The following EEFSEC variants were observed in gnomAD, a reference collection of about 807,000 sequenced individuals.
EEFSEC encodes the protein selenocysteine-specific elongation factor.
EEFSEC carries 43 observed loss-of-function variants against 42.1 expected under a neutral mutation model. That is an observed-to-expected ratio of 1.02 (90% confidence interval 0.80 to 1.32). The LOEUF is 1.32. Ranked by LOEUF, EEFSEC falls within the 40% of genes most tolerant of loss-of-function variation. The pLI is 0.00. For synonymous variants in EEFSEC, 354 were observed against 339.1 expected, an observed-to-expected ratio of 1.04 and a Z score of -0.48; for missense variants, 745 against 803.6, an observed-to-expected ratio of 0.93 and a Z score of 0.88.
intron 1 of EEFSEC, among the ~76,000 whole-genome samples, chr3:128,238,194 T>C (rs548891868): frequency 1.3e-5 from 2 of 152,222 alleles, no homozygotes; most frequent in South Asian, 4.1e-4. Flanking sequence ...GTAGTACAAA[T>C]GCTGGGGTGT....
At chr3:128,337,523 C>T (rs1056099785) in intron 4 of EEFSEC, among the ~76,000 whole-genome samples, 39 of 152,288 alleles carry the variant, frequency 2.6e-4, no homozygotes, top group Admixed American at 2.0e-3. Flanking sequence ...ACAAGGATCT[C>T]GCTCAAGCCC....
chr3:128,182,631 A>G (rs995392546), intron 1 of EEFSEC, among the ~76,000 whole-genome samples: 4 of 152,138 alleles, frequency 2.6e-5, no homozygotes, highest in Non-Finnish European at 5.9e-5. Flanking sequence ...TATCTCGAAC[A>G]GTAGTGTCTG....
At chr3:128,339,738 A>T (rs2067229356) in intron 4 of EEFSEC, among the ~76,000 whole-genome samples, 1 of 152,174 alleles carries the variant, frequency 6.6e-6, no homozygotes, top group Non-Finnish European at 1.5e-5. Context: ...CACGCTGCTG[A>T]TAAAGACATA....
intron 2 of EEFSEC, among the ~76,000 whole-genome samples, chr3:128,253,854 C>T (rs2066214156): frequency 1.3e-5 from 2 of 152,162 alleles, no homozygotes; most frequent in African/African-American, 4.8e-5. Context: ...CCTTACTGAA[C>T]TGAAATCATC....
At chr3:128,372,493 C>T (rs181967653) in intron 6 of EEFSEC, among the ~76,000 whole-genome samples, 13 of 152,312 alleles carry the variant, frequency 8.5e-5, no homozygotes, top group Admixed American at 2.6e-4. Context: ...TGTTCAGAGA[C>T]GCTTGGTCAT....
intron 4 of EEFSEC, among the ~76,000 whole-genome samples, chr3:128,306,653 C>T (rs2066830286): frequency 6.6e-6 from 1 of 152,106 alleles, no homozygotes; most frequent in Non-Finnish European, 1.5e-5. Context: ...CCTCAGTTTC[C>T]CCATCTGTAA....
At chr3:128,206,324 C>G (rs1346112968) in intron 1 of EEFSEC, among the ~76,000 whole-genome samples, 3 of 152,216 alleles carry the variant, frequency 2.0e-5, no homozygotes, top group African/African-American at 4.8e-5. Context: ...TTGTGCTTGG[C>G]TTGCTTGGAG....
At chr3:128,423,265 ATATC>A in the EEFSEC span, among the ~76,000 whole-genome samples, 26 of 152,328 alleles carry the variant, frequency 1.7e-4, no homozygotes, top group Middle Eastern at 3.4e-3. Context: ...GATACACAAA[ATATC>A]TATCTACCCA....
intron 4 of EEFSEC, among the ~76,000 whole-genome samples, chr3:128,284,456 G>C (rs372661062): frequency 2.0e-5 from 3 of 152,164 alleles, no homozygotes; most frequent in African/African-American, 7.2e-5. Flanking sequence ...TGGGGGTTGG[G>C]GGTGGGGGAT....
chr3:128,411,753 C>T (rs1323497170), downstream of EEFSEC, among the ~76,000 whole-genome samples: 1 of 152,232 alleles, frequency 6.6e-6, no homozygotes, highest in African/African-American at 2.4e-5. Context: ...TGGAAACAGG[C>T]TTCTGGGTTA....
chr3:128,322,990 C>T (rs562888165), intron 4 of EEFSEC, among the ~76,000 whole-genome samples: 1 of 152,182 alleles, frequency 6.6e-6, no homozygotes, highest in Non-Finnish European at 1.5e-5. Flanking sequence ...TTTTCCCATT[C>T]AGAGTATTTG....
intron 3 of EEFSEC, among the ~76,000 whole-genome samples, chr3:128,264,219 G>A (rs2066327997): frequency 1.3e-5 from 2 of 152,186 alleles, no homozygotes; most frequent in Non-Finnish European, 2.9e-5. Flanking sequence ...ATGATGAGGA[G>A]TTTTAAATTC....
intron 6 of EEFSEC, among the ~76,000 whole-genome samples, chr3:128,366,023 G>A (rs1414072468): frequency 1.3e-5 from 2 of 152,198 alleles, no homozygotes; most frequent in Non-Finnish European, 2.9e-5. Flanking sequence ...CAGATTGTCA[G>A]GGGCTCTCAG....
intron 1 of EEFSEC, among the ~76,000 whole-genome samples, chr3:128,166,667 C>T (rs1227898786): frequency 6.6e-6 from 1 of 152,032 alleles, no homozygotes; most frequent in Non-Finnish European, 1.5e-5. Flanking sequence ...TCCACCCTCT[C>T]AGCTTCTTCA....
In EEFSEC at chr3:128,294,140, G is replaced by T. The variant is rs373330154; in HGVS notation, c.786+29359G>T. Among the ~76,000 whole-genome samples the T allele has an allele frequency of 5.3e-5, 8 of 152,318 alleles. No homozygotes were observed. In the South Asian group the frequency reaches 6.2e-4, roughly 12 times the overall value. On this transcript the variant is annotated intron_variant, in intron 4 of 6. Coordinates refer to ENST00000254730, the MANE Select transcript of EEFSEC (RefSeq NM_021937.5). ...CTGGCATGCTGGTGCTCTTGCAGGG[G>T]TATTGTGGTTGGGAGCCATTAGGGG...
chr3:128,401,747 G>A lies in EEFSEC; in HGVS notation c.1601-6322G>A, dbSNP rs1349564523. Among the ~76,000 whole-genome samples, 3 of 152,168 alleles carry A rather than the reference G, an allele frequency of 2.0e-5. No homozygotes were observed. In the East Asian group the frequency reaches 5.8e-4, roughly 29 times the overall value. ...TCCTTGGGATAGCCAGGTGGGATGA[G>A]GGAGGAGGCAGCGAGGCAGGGCTGG... is the stretch of plus-strand genomic sequence containing the variant. On this transcript the variant is annotated intron_variant, in intron 6 of 6. Coordinates refer to ENST00000254730, the MANE Select transcript of EEFSEC (RefSeq NM_021937.5).
At chr3:128,264,366 C>T (rs2999035) in intron 3 of EEFSEC, among the ~76,000 whole-genome samples, 18,722 of 152,200 alleles carry the variant, frequency 0.12, 1,474 homozygotes, top group Middle Eastern at 0.19. Flanking sequence ...AGAAGACAGA[C>T]GAGGCTTCTC....
chr3:128,162,861 G>A (rs1265733321), intron 1 of EEFSEC, among the ~76,000 whole-genome samples: 1 of 152,160 alleles, frequency 6.6e-6, no homozygotes, highest in Non-Finnish European at 1.5e-5. Flanking sequence ...GGAAATCATA[G>A]CCACAGCTTT....
intron 5 of EEFSEC, among the ~76,000 whole-genome samples, chr3:128,357,923 G>A (rs913584176): frequency 6.6e-5 from 10 of 152,060 alleles, no homozygotes; most frequent in African/African-American, 2.4e-4. Flanking sequence ...GTAAAGTGGC[G>A]CCACAGAGCT....
Sources: allele counts gnomAD v4.1 joint callset (sites outside exome capture counted in the v4.1 genomes callset), GRCh38; gene constraint gnomAD v4.1.1; transcripts MANE v1.5; gene names NCBI Gene and HGNC (gene_info 2026-07-23, HGNC 2026-07-21).